Variants in PDE10A observed in about 807,000 individuals in gnomAD.
PDE10A encodes the protein phosphodiesterase 10A.
A neutral mutation model predicts 97.7 loss-of-function variants in PDE10A; 39 were observed. The ratio of observed to expected loss-of-function variants is 0.40; its 90% CI spans 0.31 to 0.52. The LOEUF (loss-of-function observed/expected upper bound fraction) is 0.52, where lower values mean the gene tolerates loss of function less well. PDE10A is among the 20% of genes least tolerant of loss of function. The probability of loss-of-function intolerance (pLI) is 0.56; values close to 1 mark genes in which losing one functional copy is unlikely to be tolerated. For missense variants in PDE10A, 731 were observed against 1,047.8 expected (o/e 0.70, Z 4.17); for synonymous variants, 371 against 376.8 (o/e 0.98, Z 0.18).
chr6:165,784,502 A>G (rs1583084371), intron 1 of PDE10A, among the ~76,000 whole-genome samples: 1 of 152,330 alleles, frequency 6.6e-6, no homozygotes, highest in Non-Finnish European at 1.5e-5. Flanking sequence ...CAGACTACTC[A>G]TATTGTTTCT....
intron 1 of PDE10A, among the ~76,000 whole-genome samples, chr6:165,885,377 A>G (rs1781601277): frequency 6.6e-6 from 1 of 152,072 alleles, no homozygotes; most frequent in African/African-American, 2.4e-5. Flanking sequence ...ACACTTTAAA[A>G]CCGTCAGATC....
chr6:165,513,467 C>A (rs893164234), intron 2 of PDE10A, among the ~76,000 whole-genome samples: 5 of 152,038 alleles, frequency 3.3e-5, no homozygotes, highest in Non-Finnish European at 5.9e-5. Context: ...TCATGTAATG[C>A]AAATCCTTCA....
At chr6:165,619,066 AGT>A (rs1294025934) in intron 1 of PDE10A, among the ~76,000 whole-genome samples, 22 of 128,660 alleles carry the variant, frequency 1.7e-4, no homozygotes, top group African/African-American at 6.6e-4. Context: ...GGTGTAGTGT[AGT>A]GTAGTGTAGT....
At position 165,755,179 on chromosome 6, in the gene PDE10A, G is replaced by T. The variant is rs115353889; in HGVS notation, c.-614-211611C>A. ...ACCTAGCAGCCCCAGGATGGCCTGC[G>T]ACCAGAGGAGCATCAAAGTCCTGAC... On this transcript the variant is annotated intron_variant, in intron 1 of 19. Transcript: ENST00000366882. 2.1e-3 allele frequency among the ~76,000 whole-genome samples: 316 copies of T among 152,266 alleles called. 5 individuals are homozygous for T. The highest frequency in any genetic ancestry group is 7.2e-3 in the African/African-American group (299 of 41,566).
At chr6:165,694,555 C>A (rs547406993) in intron 1 of PDE10A, among the ~76,000 whole-genome samples, 1 of 151,594 alleles carries the variant, frequency 6.6e-6, no homozygotes, top group Non-Finnish European at 1.5e-5. Flanking sequence ...GAGCAGCGGG[C>A]GGTGTCGGGA....
intron 16 of PDE10A, among the ~76,000 whole-genome samples, chr6:165,391,413 C>T (rs1198550140): frequency 6.6e-6 from 1 of 152,088 alleles, no homozygotes; most frequent in Non-Finnish European, 1.5e-5. Flanking sequence ...TACAATGCAA[C>T]TTGAAAGTAT....
At chr6:165,525,682 A>G (rs1185793086) in intron 2 of PDE10A, among the ~76,000 whole-genome samples, 2 of 152,088 alleles carry the variant, frequency 1.3e-5, no homozygotes. Context: ...CTCAAATACC[A>G]AATTTAAATA....
At chr6:165,770,903 C>T (rs532662073) in intron 1 of PDE10A, among the ~76,000 whole-genome samples, 87 of 152,332 alleles carry the variant, frequency 5.7e-4, no homozygotes, top group African/African-American at 1.9e-3. Flanking sequence ...CGCCTCCACC[C>T]GGCCATTGTC....
intron 1 of PDE10A, among the ~76,000 whole-genome samples, chr6:165,712,147 G>A (rs1320570593): frequency 3.9e-5 from 6 of 152,156 alleles, no homozygotes; most frequent in African/African-American, 1.4e-4. Context: ...TGTGGAGGAG[G>A]AAAAGGGTTC....
intron 1 of PDE10A, among the ~76,000 whole-genome samples, chr6:165,892,552 G>A (rs1307280926): frequency 6.6e-6 from 1 of 152,172 alleles, no homozygotes; most frequent in Non-Finnish European, 1.5e-5. Context: ...GCCTCCCCAA[G>A]GCATGGGTGC....
At chr6:165,512,231 A>G (rs1335040344) in intron 2 of PDE10A, among the ~76,000 whole-genome samples, 1 of 151,772 alleles carries the variant, frequency 6.6e-6, no homozygotes, top group Non-Finnish European at 1.5e-5. Context: ...TACGATAGTA[A>G]ATGTCATCTG....
At chr6:165,668,985 G>T (rs965848861) in intron 1 of PDE10A, among the ~76,000 whole-genome samples, 1 of 152,190 alleles carries the variant, frequency 6.6e-6, no homozygotes, top group Non-Finnish European at 1.5e-5. Context: ...CTCCTCAGCC[G>T]CTGATGCCTC....
intron 1 of PDE10A, among the ~76,000 whole-genome samples, chr6:165,555,216 C>A (rs976452967): frequency 6.6e-6 from 1 of 152,068 alleles, no homozygotes; most frequent in African/African-American, 2.4e-5. Context: ...GGGATGGATA[C>A]CCCATTCTCC....
At chr6:165,953,260 A>C (rs752769142) in intron 1 of PDE10A, among the ~76,000 whole-genome samples, 1 of 152,222 alleles carries the variant, frequency 6.6e-6, no homozygotes, top group Non-Finnish European at 1.5e-5. Context: ...TTATTACCAA[A>C]AGAAATAAAA....
intron 2 of PDE10A, among the ~76,000 whole-genome samples, chr6:165,494,002 G>T (rs1780376734): frequency 6.6e-6 from 1 of 151,614 alleles, no homozygotes; most frequent in Admixed American, 6.6e-5. Flanking sequence ...CAGTAAGTGG[G>T]CTAAGGACAT....
At chr6:165,750,378 G>A (rs1262599300) in intron 1 of PDE10A, among the ~76,000 whole-genome samples, 1 of 152,222 alleles carries the variant, frequency 6.6e-6, no homozygotes. Context: ...AAAAGTGCCA[G>A]CTCAGGGAGC....
At chr6:165,548,530 C>T (rs558758847) in intron 1 of PDE10A, among the ~76,000 whole-genome samples, 13 of 151,978 alleles carry the variant, frequency 8.6e-5, no homozygotes, top group African/African-American at 1.5e-4. Flanking sequence ...CATGTTCCTC[C>T]GCTCTCTGCA....
chr6:165,341,341 T>C (rs1180217221), intron 19 of PDE10A, among the ~76,000 whole-genome samples: 1 of 152,220 alleles, frequency 6.6e-6, no homozygotes, highest in Admixed American at 6.5e-5. Flanking sequence ...CATTAAATTC[T>C]CCAGCTTTTA....
In PDE10A at chr6:165,482,662, A is replaced by G. The variant is rs545263348; in HGVS notation, c.995-319T>C. Among the ~76,000 whole-genome samples, 9 of 152,328 alleles carry G rather than the reference A, an allele frequency of 5.9e-5. No individual in the cohort carries two copies. In the South Asian group the frequency reaches 1.4e-3, roughly 25 times the overall value. ...ACTACACATACCTAAAGTGGGGTTTATAACACTTCAATATTCTACACAATA... is the reference window on the plus strand; with the variant it reads ...ACTACACATACCTAAAGTGGGGTTTGTAACACTTCAATATTCTACACAATA... On this transcript the variant is annotated intron_variant, in intron 2 of 21. Transcript: ENST00000539869.
Sources: gnomAD v4.1 joint callset for allele counts (sites outside exome capture counted in the v4.1 genomes callset) on GRCh38, gnomAD v4.1.1 for gene constraint, MANE v1.5 for transcripts, NCBI Gene and HGNC (gene_info 2026-07-23, HGNC 2026-07-21) for gene names.